Variants in SPAG16 observed in about 807,000 individuals in gnomAD.
SPAG16 encodes sperm associated antigen 16.
A neutral mutation model predicts 80.4 loss-of-function variants in SPAG16; 86 were observed. The ratio of observed to expected loss-of-function variants is 1.07; its 90% CI spans 0.90 to 1.28. The LOEUF is 1.28. SPAG16 is among the 50% of genes most tolerant of loss of function. The pLI, the probability that SPAG16 is intolerant of heterozygous loss-of-function variation, is 0.00. For missense variants in SPAG16, 870 were observed against 765.3 expected (o/e 1.14, Z -1.61); for synonymous variants, 294 against 265.9 (o/e 1.11, Z -1.03).
At chr2:213,406,579 C>T (rs2068616046) in intron 9 of SPAG16, among the ~76,000 whole-genome samples, 1 of 151,782 alleles carries the variant, frequency 6.6e-6, no homozygotes, top group African/African-American at 2.4e-5. Flanking sequence ...ATTTTAATTC[C>T]CTCTATTAGG....
intron 10 of SPAG16, among the ~76,000 whole-genome samples, chr2:213,583,726 G>A (rs1269431576): frequency 6.6e-6 from 1 of 152,022 alleles, no homozygotes; most frequent in African/African-American, 2.4e-5. Flanking sequence ...TTTTTCCTAT[G>A]ATTTTTTCTC....
rs371536455 is a variant in SPAG16 at position 213,852,409 on chromosome 2, C to T, written c.1071-10076C>T. On this transcript the variant is annotated intron_variant, in intron 10 of 15. Transcript: ENST00000331683. ...GAAATGATCTTAGGAGAAATTTAGT[C>T]GTCTTTCTTCAGTCTAAAAGCCCTA... Among the ~76,000 whole-genome samples, 4 of 152,136 alleles carry T rather than the reference C, an allele frequency of 2.6e-5. No individual in the cohort carries two copies. The East Asian group carries it at 5.8e-4, about 22-fold the overall frequency.
At chr2:214,308,618 G>A (rs951493655) in intron 15 of SPAG16, among the ~76,000 whole-genome samples, 2 of 152,206 alleles carry the variant, frequency 1.3e-5, no homozygotes, top group African/African-American at 4.8e-5. Context: ...TGTCTGAAGA[G>A]GATGTTATTT....
chr2:214,370,789 CTCTT>C (rs1479125784), intron 15 of SPAG16, among the ~76,000 whole-genome samples: 6 of 152,140 alleles, frequency 3.9e-5, no homozygotes, highest in African/African-American at 1.4e-4. Flanking sequence ...AGACATATTT[CTCTT>C]TGTTTATGGA....
intron 15 of SPAG16, among the ~76,000 whole-genome samples, chr2:214,223,577 T>G (rs998567215): frequency 6.6e-6 from 1 of 152,112 alleles, no homozygotes; most frequent in African/African-American, 2.4e-5. Flanking sequence ...TAGCAAAATT[T>G]AAAGCAATAA....
chr2:213,471,993 C>A (rs191349677), intron 9 of SPAG16, among the ~76,000 whole-genome samples: 20 of 152,296 alleles, frequency 1.3e-4, no homozygotes, highest in Admixed American at 3.9e-4. Context: ...TATTTTCCAT[C>A]TTCTGGCATG....
chr2:213,348,260 C>T (rs181686900), intron 6 of SPAG16, among the ~76,000 whole-genome samples: 1 of 151,990 alleles, frequency 6.6e-6, no homozygotes, highest in Admixed American at 6.6e-5. Flanking sequence ...TGATTTTGAG[C>T]CTATGTGTGT....
intron 15 of SPAG16, among the ~76,000 whole-genome samples, chr2:214,149,896 A>C (rs966401234): frequency 6.6e-6 from 1 of 152,052 alleles, no homozygotes; most frequent in Admixed American, 6.5e-5. Flanking sequence ...CAATAATTCC[A>C]GTTGTCCATT....
intron 7 of SPAG16, among the ~76,000 whole-genome samples, chr2:213,355,137 T>C (rs1276601708): frequency 6.6e-6 from 1 of 152,230 alleles, no homozygotes. Flanking sequence ...TCCCCATTTC[T>C]TGTTTTTGTC....
At chr2:213,969,220 T>C (rs935244137) in intron 12 of SPAG16, among the ~76,000 whole-genome samples, 3 of 152,184 alleles carry the variant, frequency 2.0e-5, no homozygotes, top group Non-Finnish European at 4.4e-5. Flanking sequence ...TAATAGGAGT[T>C]TGGACCTTTT....
chr2:213,492,977 T>C (rs1243495219), intron 10 of SPAG16, among the ~76,000 whole-genome samples: 1 of 152,176 alleles, frequency 6.6e-6, no homozygotes. Context: ...TCCTTCTCTG[T>C]CACATACATA....
intron 12 of SPAG16, among the ~76,000 whole-genome samples, chr2:213,953,866 T>C (rs1313226326): frequency 6.6e-6 from 1 of 151,864 alleles, no homozygotes; most frequent in East Asian, 1.9e-4. Context: ...TTGTATGCAA[T>C]GATGAAGAAA....
intron 12 of SPAG16, among the ~76,000 whole-genome samples, chr2:213,969,608 A>G (rs140966239): frequency 6.6e-6 from 1 of 152,320 alleles, no homozygotes; most frequent in Non-Finnish European, 1.5e-5. Context: ...GGAAGCAGAT[A>G]CTAGGACCTC....
At chr2:213,714,961 C>A (rs1050045067) in intron 10 of SPAG16, among the ~76,000 whole-genome samples, 1 of 152,140 alleles carries the variant, frequency 6.6e-6, no homozygotes, top group Non-Finnish European at 1.5e-5. Context: ...GGCTATAATT[C>A]TTTGTTCAAT....
At chr2:214,292,468 TATTTC>T (rs1693866261) in intron 15 of SPAG16, among the ~76,000 whole-genome samples, 1 of 152,200 alleles carries the variant, frequency 6.6e-6, no homozygotes, top group African/African-American at 2.4e-5. Flanking sequence ...GATGTATTTT[TATTTC>T]ATTTAATAAA....
intron 10 of SPAG16, among the ~76,000 whole-genome samples, chr2:213,818,135 A>C (rs1405417963): frequency 6.6e-6 from 1 of 152,178 alleles, no homozygotes; most frequent in Non-Finnish European, 1.5e-5. Flanking sequence ...AGTCCTTTAA[A>C]GATCCCCTCC....
chr2:214,334,390 G>A (rs866554697), intron 15 of SPAG16, among the ~76,000 whole-genome samples: 15 of 152,096 alleles, frequency 9.9e-5, no homozygotes, highest in African/African-American at 3.6e-4. Flanking sequence ...TGGGGATTTA[G>A]GATTTTTAAT....
At chr2:214,176,688 A>G (rs1387888601) in intron 15 of SPAG16, among the ~76,000 whole-genome samples, 7 of 151,238 alleles carry the variant, frequency 4.6e-5, no homozygotes, top group African/African-American at 1.7e-4. Context: ...TCTTTATTCA[A>G]GTATTTCATA....
At chr2:213,526,183 C>T (rs1300824305) in intron 10 of SPAG16, among the ~76,000 whole-genome samples, 1 of 152,094 alleles carries the variant, frequency 6.6e-6, no homozygotes, top group African/African-American at 2.4e-5. Flanking sequence ...TATGCACTTT[C>T]TTTCTCTCCA....
Sources: allele counts gnomAD v4.1 joint callset (sites outside exome capture counted in the v4.1 genomes callset), GRCh38; gene constraint gnomAD v4.1.1; transcripts MANE v1.5; gene names NCBI Gene and HGNC (gene_info 2026-07-23, HGNC 2026-07-21).